Variants in KYAT1 observed in about 807,000 individuals in gnomAD.
KYAT1 encodes kynurenine aminotransferase 1.
Under a neutral mutation model 52.4 loss-of-function variants are expected in KYAT1, and 47 were observed. The observed-to-expected ratio is 0.90, with a 90% CI of 0.71 to 1.14. KYAT1 has a LOEUF of 1.14. Among genes scored for constraint, KYAT1 ranks in the 50% most tolerant of loss-of-function variants. KYAT1 has a pLI of 0.00. For missense variants in KYAT1, 480 were observed against 557.9 expected, an observed-to-expected ratio of 0.86 and a Z score of 1.41; for synonymous variants, 212 against 209.6, an observed-to-expected ratio of 1.01 and a Z score of -0.10.
chr9:128,863,477 A>G (rs941895692), intron 1 of KYAT1, among the ~76,000 whole-genome samples: 3 of 151,860 alleles, frequency 2.0e-5, no homozygotes, highest in African/African-American at 7.3e-5. Flanking sequence ...TACAAAAAAA[A>G]AAACCAAAAC....
intron 1 of KYAT1, chr9:128,847,605 T>C: frequency 1.0e-6 from 1 of 958,478 alleles, no homozygotes; most frequent in Non-Finnish European, 1.6e-6. Context: ...GGCCAGAAAA[T>C]GCCTCCGAGC....
intron 1 of KYAT1, among the ~76,000 whole-genome samples, chr9:128,875,379 C>T (rs1387125571): frequency 2.0e-5 from 3 of 151,166 alleles, no homozygotes; most frequent in South Asian, 2.1e-4. Flanking sequence ...TTTGGGAGGC[C>T]GAGGCAGACA....
At chr9:128,858,605 G>A (rs1835009866) in intron 1 of KYAT1, among the ~76,000 whole-genome samples, 1 of 151,840 alleles carries the variant, frequency 6.6e-6, no homozygotes, top group South Asian at 2.1e-4. Flanking sequence ...GGCTGAGACT[G>A]GAGAATCACT....
chr9:128,853,884 T>C (rs766298194), intron 1 of KYAT1, among the ~76,000 whole-genome samples: 3 of 152,262 alleles, frequency 2.0e-5, no homozygotes, highest in East Asian at 1.9e-4. Flanking sequence ...CAATGCATTA[T>C]GGCAAATGGA....
At chr9:128,852,072 ACTCT>A (rs1834026453) in intron 1 of KYAT1, among the ~76,000 whole-genome samples, 1 of 152,116 alleles carries the variant, frequency 6.6e-6, no homozygotes, top group Non-Finnish European at 1.5e-5. Context: ...AACAGTGGCC[ACTCT>A]CTAAGGAAAA....
chr9:128,851,114 A>T (rs527605599), intron 1 of KYAT1, among the ~76,000 whole-genome samples: 2 of 152,322 alleles, frequency 1.3e-5, no homozygotes, highest in South Asian at 4.1e-4. Context: ...GATATGCTGC[A>T]TGCCGGTCTC....
intron 1 of KYAT1, among the ~76,000 whole-genome samples, chr9:128,845,912 G>A (rs987318885): frequency 6.6e-6 from 1 of 152,174 alleles, no homozygotes; most frequent in African/African-American, 2.4e-5. Flanking sequence ...GAAAACAGAA[G>A]GTGGAAAACA....
intron 1 of KYAT1, among the ~76,000 whole-genome samples, chr9:128,871,407 A>C (rs1056536372): frequency 2.0e-5 from 3 of 152,164 alleles, no homozygotes; most frequent in African/African-American, 7.2e-5. Flanking sequence ...TTAATTGTAG[A>C]GAAAGCTGGA....
intron 5 of KYAT1, 25 bp from the exon 6 acceptor site, chr9:128,837,838 G>A (rs752607420): frequency 6.2e-7 from 1 of 1,613,046 alleles, no homozygotes; most frequent in Admixed American, 1.7e-5. Flanking sequence ...GGCATGGGGT[G>A]GTACCACTTA....
chr9:128,844,320 G>C (rs1832726089), intron 2 of KYAT1, among the ~76,000 whole-genome samples: 2 of 152,188 alleles, frequency 1.3e-5, no homozygotes, highest in South Asian at 4.1e-4. Flanking sequence ...GAGGAGGGCA[G>C]ATCCCTTGAG....
chr9:128,877,237 A>G (rs906092888), intron 1 of KYAT1, among the ~76,000 whole-genome samples: 2 of 151,934 alleles, frequency 1.3e-5, no homozygotes, highest in South Asian at 4.2e-4. Context: ...TCTTCACTCA[A>G]GCTGTTTCCC....
intron 1 of KYAT1, chr9:128,847,382 C>A: frequency 7.7e-7 from 1 of 1,292,870 alleles, no homozygotes; most frequent in South Asian, 1.3e-5. Flanking sequence ...AGCCAGACCC[C>A]AGAAGCCCCA....
intron 1 of KYAT1, among the ~76,000 whole-genome samples, chr9:128,849,880 C>T (rs1404743458): frequency 9.8e-5 from 4 of 40,684 alleles, no homozygotes; most frequent in Admixed American, 3.1e-4. Flanking sequence ...TTTTTATTTT[C>T]TTCTTTTTTT....
intron 3 of KYAT1, among the ~76,000 whole-genome samples, chr9:128,839,049 C>T (rs556674410): frequency 2.8e-4 from 42 of 152,036 alleles, no homozygotes; most frequent in South Asian, 8.3e-4. Flanking sequence ...CTGCAACCTC[C>T]GCCTCCTGGG....
At chr9:128,880,898 T>C (rs976034904) in intron 1 of KYAT1, among the ~76,000 whole-genome samples, 2 of 151,970 alleles carry the variant, frequency 1.3e-5, no homozygotes, top group Non-Finnish European at 2.9e-5. Context: ...TATTTTTAAT[T>C]ATCTATCTGT....
At chr9:128,867,509 C>A (rs189464263) in intron 1 of KYAT1, among the ~76,000 whole-genome samples, 1 of 152,010 alleles carries the variant, frequency 6.6e-6, no homozygotes, top group Non-Finnish European at 1.5e-5. Flanking sequence ...AATATTCACA[C>A]GTATATACAA....
At chr9:128,877,386 C>T (rs991239201) in intron 1 of KYAT1, among the ~76,000 whole-genome samples, 1 of 152,190 alleles carries the variant, frequency 6.6e-6, no homozygotes, top group Non-Finnish European at 1.5e-5. Context: ...TCTCCCCCAA[C>T]CCCATGCTAA....
chr9:128,882,036 G>A (rs1285656595), upstream of KYAT1: 3 of 152,258 alleles, frequency 2.0e-5, no homozygotes. Context: ...GCGAGAGCGG[G>A]AGAAAGCGCC....
At chr9:128,847,300 C>A in intron 1 of KYAT1, 1 of 612,330 alleles carries the variant, frequency 1.6e-6, no homozygotes, top group South Asian at 2.1e-5. Flanking sequence ...AGGGAGAAGC[C>A]CACATACAGG....
Sources: allele counts gnomAD v4.1 joint callset (sites outside exome capture counted in the v4.1 genomes callset), GRCh38; gene constraint gnomAD v4.1.1; transcripts MANE v1.5; gene names NCBI Gene and HGNC (gene_info 2026-07-23, HGNC 2026-07-21).